Variants in CCDC198 observed in about 807,000 individuals in gnomAD.
CCDC198 encodes coiled-coil domain containing 198, also known as factor associated with metabolism and energy.
CCDC198 carries 18 observed loss-of-function variants against 35.6 expected under a neutral mutation model. That is an observed-to-expected ratio of 0.51 (90% CI 0.35 to 0.75). The LOEUF is 0.75. Among genes scored for constraint, CCDC198 ranks in the 30% least tolerant of loss-of-function variants. CCDC198 has a pLI of 0.01. For synonymous variants in CCDC198, 119 were observed against 113.4 expected (o/e 1.05, Z -0.31); for missense variants, 365 against 343.7 (o/e 1.06, Z -0.49).
rs17093265 is a variant in CCDC198, at chr14:57,482,738, T to A, written c.393+327A>T. 6.9e-3 allele frequency among the ~76,000 whole-genome samples: 1,053 copies of A among 152,318 alleles called. 14 individuals are homozygous for A. Among genetic ancestry groups the A allele is most frequent in the African/African-American group, 0.024 (988 of 41,560 alleles). ...GGGGAGGAATGAAAGGGAGGACTTA[T>A]GCTGAATTTTTCACAGATTTGAAAA... On this transcript the variant is annotated intron_variant, in intron 3 of 5. Transcript: ENST00000216445.
At chr14:57,492,770 A>G (rs2067619218) in intron 1 of CCDC198, among the ~76,000 whole-genome samples, 1 of 152,122 alleles carries the variant, frequency 6.6e-6, no homozygotes, top group East Asian at 1.9e-4. Flanking sequence ...AAAACAATAT[A>G]CATATATATA....
chr14:57,483,017 T>C (rs542509050), intron 3 of CCDC198, 48 bp downstream of exon 3: 1 of 1,612,880 alleles, frequency 6.2e-7, no homozygotes, highest in African/African-American at 1.3e-5. Context: ...CAATCCTGTG[T>C]CGCCCACCCC....
At chr14:57,480,016 T>C (rs986903454) in intron 5 of CCDC198, among the ~76,000 whole-genome samples, 13 of 152,188 alleles carry the variant, frequency 8.5e-5, no homozygotes, top group Non-Finnish European at 1.5e-4. Flanking sequence ...CTAGGTGATA[T>C]CAGCAGGGCT....
intron 5 of CCDC198, among the ~76,000 whole-genome samples, chr14:57,476,646 A>G (rs2067007320): frequency 6.6e-6 from 1 of 152,260 alleles, no homozygotes; most frequent in Admixed American, 6.5e-5. Flanking sequence ...GATGCAGTAG[A>G]AAGCAGCAAC....
intron 5 of CCDC198, chr14:57,478,616 G>A (rs1462950014): frequency 7.1e-6 from 7 of 989,098 alleles, no homozygotes; most frequent in Non-Finnish European, 8.4e-6. Flanking sequence ...GTGCTCTCAA[G>A]TGATGACTCT....
chr14:57,475,542 A>C (rs1176158513), intron 5 of CCDC198: 21 of 653,704 alleles, frequency 3.2e-5, no homozygotes, highest in Non-Finnish European at 4.7e-5. Context: ...CCTCGTCTCT[A>C]CTACAAATAC....
At chr14:57,490,348 T>C (rs1283128468) in intron 2 of CCDC198, among the ~76,000 whole-genome samples, 1 of 152,172 alleles carries the variant, frequency 6.6e-6, no homozygotes, top group Non-Finnish European at 1.5e-5. Flanking sequence ...TTGGGGTGAA[T>C]GCGTTTAAAG....
At chr14:57,492,006 G>A (rs971094045) in intron 1 of CCDC198, among the ~76,000 whole-genome samples, 1 of 152,066 alleles carries the variant, frequency 6.6e-6, no homozygotes, top group African/African-American at 2.4e-5. Flanking sequence ...ATATTGAGCA[G>A]GATGGAAACA....
intron 2 of CCDC198, among the ~76,000 whole-genome samples, chr14:57,488,955 G>A (rs984190906): frequency 6.6e-6 from 1 of 152,170 alleles, no homozygotes; most frequent in Non-Finnish European, 1.5e-5. Flanking sequence ...CATTGTGGAA[G>A]ACAGTGTGGT....
In CCDC198 at chr14:57,491,005, G is replaced by A. The variant is rs774869771; in HGVS notation, c.290C>T (p.Pro97Leu). The change falls in exon 2 of 6, where the codon CCA (proline) becomes CTA (leucine). Residue 97 changes from proline to leucine, a missense_variant. Transcript: ENST00000216445. Reference protein sequence around the residue: ...HRETSIIKRHPPQRLQKLEPI... With the variant: ...HRETSIIKRHLPQRLQKLEPI... ...TCATCTTACTTGAAGTCTTTGGGGT[G>A]GATGCCTTTTAATAATACTTGTTTC... 1.9e-6 allele frequency: 3 copies of A among 1,595,378 alleles called. No individual in the cohort carries two copies. The highest frequency in any genetic ancestry group is 2.2e-5 in the South Asian group (2 of 90,568).
Position 57,471,556 on chromosome 14 carries a change from T to C in CCDC198, c.690A>G (p.Gln230=). Residue 230 remains glutamine, a synonymous_variant, in exon 6 of 6, where the codon CAA becomes CAG. Coordinates refer to ENST00000216445, the MANE Select transcript of CCDC198 (RefSeq NM_018168.4). ...TCCAGGGACAGTAGTTATTCACTGC[T>C]TGATGTTTCAAAAATTCTGTATTCT... ...NSKNTEFLKH[Q]AVNNYCPWKI... The C allele has an allele frequency of 6.2e-7, 1 of 1,602,808 alleles. No homozygotes were observed. The highest frequency in any genetic ancestry group is 8.5e-7 in the Non-Finnish European group (1 of 1,176,036).
At chr14:57,479,738 G>A (rs935958328) in intron 5 of CCDC198, among the ~76,000 whole-genome samples, 3 of 152,156 alleles carry the variant, frequency 2.0e-5, no homozygotes, top group African/African-American at 7.2e-5. Context: ...CTGGAGGGGT[G>A]GTTAAACCCA....
intron 2 of CCDC198, among the ~76,000 whole-genome samples, chr14:57,486,388 C>A (rs1326199380): frequency 3.3e-5 from 5 of 151,922 alleles, no homozygotes; most frequent in African/African-American, 1.2e-4. Context: ...AGGATTTAAG[C>A]GCAAGTGTGT....
intron 5 of CCDC198, chr14:57,475,667 A>G (rs2066963144): frequency 4.9e-6 from 2 of 409,060 alleles, no homozygotes; most frequent in Non-Finnish European, 9.5e-6. Flanking sequence ...AGATCATGCC[A>G]TTGCACTCCA....
At chr14:57,492,219 G>A (rs1430687739) in intron 1 of CCDC198, among the ~76,000 whole-genome samples, 1 of 151,944 alleles carries the variant, frequency 6.6e-6, no homozygotes, top group Non-Finnish European at 1.5e-5. Flanking sequence ...AAGGTCATTC[G>A]ATTTGGTATT....
At chr14:57,481,430 C>A (rs1447423648) in intron 4 of CCDC198, 129 bp downstream of exon 4, 6 of 634,368 alleles carry the variant, frequency 9.5e-6, no homozygotes, top group African/African-American at 7.3e-5. Context: ...AGTAGTTGAA[C>A]CTTCAACCTC....
chr14:57,481,512 A>T (rs1297925403), intron 4 of CCDC198, 47 bp downstream of exon 4: 2 of 1,278,496 alleles, frequency 1.6e-6, no homozygotes, highest in African/African-American at 1.5e-5. Context: ...CAGGGCAGTG[A>T]TTATGTGATG....
chr14:57,479,587 A>G (rs542632526), intron 5 of CCDC198, among the ~76,000 whole-genome samples: 1 of 152,214 alleles, frequency 6.6e-6, no homozygotes, highest in African/African-American at 2.4e-5. Context: ...GGTCTGGGGT[A>G]TGACCTCCAT....
At chr14:57,490,966 G>A (rs1470773091) in intron 2 of CCDC198, 23 bp downstream of exon 2, 1 of 1,521,318 alleles carries the variant, frequency 6.6e-7, no homozygotes, top group Non-Finnish European at 9.1e-7. Context: ...AATTCCTTAT[G>A]AAGCCTTTTA....
Sources: gnomAD v4.1 joint callset for allele counts (sites outside exome capture counted in the v4.1 genomes callset) on GRCh38, gnomAD v4.1.1 for gene constraint, MANE v1.5 for transcripts, NCBI Gene and HGNC (gene_info 2026-07-23, HGNC 2026-07-21) for gene names.